Variants in EIF4H observed in about 807,000 individuals in gnomAD.
EIF4H encodes the protein eukaryotic translation initiation factor 4H, also known as Williams-Beuren syndrome chromosome region 1.
Under a neutral mutation model 30.6 loss-of-function variants are expected in EIF4H, and 8 were observed. The ratio of observed to expected loss-of-function variants is 0.26; its 90% CI spans 0.15 to 0.47. EIF4H has a LOEUF of 0.47. Ranked by LOEUF, EIF4H falls within the 20% of genes least tolerant of loss-of-function variation. The pLI is 0.99. For missense variants in EIF4H, 188 were observed against 339.5 expected (o/e 0.55, Z 3.51); for synonymous variants, 106 against 122.7 (o/e 0.86, Z 0.90).
intron 4 of EIF4H, 116 bp from the exon 5 acceptor site, chr7:74,190,131 A>G: frequency 8.4e-7 from 1 of 1,196,980 alleles, no homozygotes; most frequent in South Asian, 1.4e-5. Context: ...AGCTCTTAAA[A>G]TGATTTCATT....
intron 5 of EIF4H, among the ~76,000 whole-genome samples, chr7:74,192,654 A>G (rs1290620953): frequency 7.4e-6 from 1 of 135,696 alleles, no homozygotes; most frequent in Non-Finnish European, 1.6e-5. Context: ...CATACCTAAC[A>G]TTGCTTTATG....
At chr7:74,189,284 C>T (rs1335320950) in intron 2 of EIF4H, among the ~76,000 whole-genome samples, 1 of 152,182 alleles carries the variant, frequency 6.6e-6, no homozygotes, top group Non-Finnish European at 1.5e-5. Context: ...CACTTTAAGC[C>T]TCTTTCTTCA....
intron 1 of EIF4H, among the ~76,000 whole-genome samples, chr7:74,182,342 G>C (rs769135273): frequency 5.9e-5 from 9 of 152,108 alleles, no homozygotes; most frequent in Non-Finnish European, 1.3e-4. Flanking sequence ...CATTTTTGAT[G>C]ATTGTCAAAA....
intron 5 of EIF4H, among the ~76,000 whole-genome samples, chr7:74,193,533 G>A (rs1413966220): frequency 3.9e-5 from 6 of 152,130 alleles, no homozygotes; most frequent in Non-Finnish European, 7.3e-5. Context: ...CTCGCAGAGA[G>A]TAGCAGTGGC....
At chr7:74,176,551 A>T (rs1471998505) in intron 1 of EIF4H, among the ~76,000 whole-genome samples, 1 of 152,244 alleles carries the variant, frequency 6.6e-6, no homozygotes, top group Non-Finnish European at 1.5e-5. Flanking sequence ...AAAATGCCTC[A>T]GACAGGCTCG....
chr7:74,174,363 C>T lies in EIF4H; in HGVS notation c.-21C>T, dbSNP rs782216818. 2.1e-6 allele frequency: 3 copies of T among 1,444,326 alleles called. No homozygotes were observed. Among genetic ancestry groups the T allele is most frequent in the South Asian group, 2.8e-5 (2 of 70,232 alleles). The allele number at this position is 1,444,326 out of a possible 1,614,324, so 89.5% of individuals were successfully genotyped here. A position where few individuals can be genotyped will look rare whatever the true frequency, so the allele number is the denominator to read the frequency against. ...GGTCCTTCCTCGCTCACCCTGGTTC[C>T]TCTCGGAGCGGAGACGGCAAATGGC... On this transcript the variant is annotated 5_prime_UTR_variant, in exon 1 of 7. Transcript: ENST00000265753.
In EIF4H at chr7:74,190,344, A is replaced by G. The variant is rs377167722; in HGVS notation, c.469+38A>G. The G allele has an allele frequency of 3.3e-5, 53 of 1,599,162 alleles. 1 individual carries two copies. The highest frequency in any genetic ancestry group is 5.0e-5 in the Admixed American group (3 of 59,900). On this transcript the variant is annotated intron_variant, in intron 5 of 6. Transcript: ENST00000265753. ...AAAGTATCACCACTTAATTTTTCCT[A>G]GGAGCCTTGCTGCTGTTCTCTGTTT... is the stretch of plus-strand genomic sequence containing the variant.
chr7:74,178,582 G>A (rs1279924611), intron 1 of EIF4H, among the ~76,000 whole-genome samples: 1 of 152,006 alleles, frequency 6.6e-6, no homozygotes, highest in Non-Finnish European at 1.5e-5. Flanking sequence ...TAGTGTTCTG[G>A]AAAGACTTCA....
chr7:74,193,335 A>G lies in EIF4H; in HGVS notation c.470-1406A>G, dbSNP rs531114280. 1.8e-3 allele frequency among the ~76,000 whole-genome samples: 275 copies of G among 152,302 alleles called. 1 individual carries two copies. Among genetic ancestry groups the G allele is most frequent in the Middle Eastern group, 3.4e-3 (1 of 294 alleles). On this transcript the variant is annotated intron_variant, in intron 5 of 6. Transcript: ENST00000265753. ...TCAGCTGGGATCGTCGCATCTGTGC[A>G]GGTCCAGGACTGACTGGAGAAATGC... is the stretch of plus-strand genomic sequence containing the variant.
At chr7:74,188,370 G>A (rs1554709451) in intron 2 of EIF4H, among the ~76,000 whole-genome samples, 1 of 152,228 alleles carries the variant, frequency 6.6e-6, no homozygotes, top group Non-Finnish European at 1.5e-5. Context: ...GCATTCTCCT[G>A]CCTGCAGGGC....
chr7:74,177,721 A>G (rs1187646863), intron 1 of EIF4H, among the ~76,000 whole-genome samples: 1 of 152,144 alleles, frequency 6.6e-6, no homozygotes, highest in Non-Finnish European at 1.5e-5. Context: ...TCTTCACTCC[A>G]AGTGTTCCAT....
rs575872063 is a variant in EIF4H, at chr7:74,190,392, G to C, written c.469+86G>C. 7.5e-6 allele frequency: 10 copies of C among 1,341,164 alleles called. No homozygotes were observed. The East Asian group carries it at 1.6e-4, about 22-fold the overall frequency. 83.1% of individuals were successfully genotyped at this position (1,341,164 alleles called of 1,614,324 possible). On this transcript the variant is annotated intron_variant, in intron 5 of 6. Coordinates refer to ENST00000265753, the MANE Select transcript of EIF4H (RefSeq NM_022170.2). ...TTTCTTACGAGTAGCCCGCCTGGCC[G>C]GACTACTTATTTAGTTCCTTTAACA...
intron 1 of EIF4H, among the ~76,000 whole-genome samples, chr7:74,179,780 T>A (rs1554708176): frequency 6.6e-6 from 1 of 152,250 alleles, no homozygotes; most frequent in East Asian, 1.9e-4. Flanking sequence ...GTACATTTTG[T>A]TATACAGTAT....
chr7:74,177,805 A>G (rs1020954482), intron 1 of EIF4H, among the ~76,000 whole-genome samples: 2 of 152,242 alleles, frequency 1.3e-5, no homozygotes, highest in Non-Finnish European at 2.9e-5. Context: ...AGGTCTCTGC[A>G]TGACGGTTCA....
At chr7:74,174,522 G>C in intron 1 of EIF4H, 80 bp downstream of exon 1, 2 of 1,172,380 alleles carry the variant, frequency 1.7e-6, no homozygotes, top group Non-Finnish European at 2.1e-6. Context: ...GCCGTCCTGC[G>C]CTCAGCCGGG....
At chr7:74,188,728 G>T (rs1801143294) in intron 2 of EIF4H, among the ~76,000 whole-genome samples, 1 of 152,186 alleles carries the variant, frequency 6.6e-6, no homozygotes, top group Admixed American at 6.5e-5. Context: ...AGTCGCTGCA[G>T]GCTTTGGAGT....
chr7:74,177,641 A>G (rs1264954797), intron 1 of EIF4H, among the ~76,000 whole-genome samples: 2 of 152,234 alleles, frequency 1.3e-5, no homozygotes, highest in Non-Finnish European at 2.9e-5. Context: ...GGGCCTGTAA[A>G]GCTATTGAAA....
At chr7:74,187,995 G>A (rs570457442) in intron 2 of EIF4H, among the ~76,000 whole-genome samples, 197 bp downstream of exon 2, 2 of 152,330 alleles carry the variant, frequency 1.3e-5, no homozygotes, top group East Asian at 1.9e-4. Context: ...AAAATGTTTT[G>A]TACACAGTGT....
At chr7:74,194,707 T>G in intron 5 of EIF4H, 34 bp from the exon 6 acceptor site, 1 of 1,534,828 alleles carries the variant, frequency 6.5e-7, no homozygotes, top group Non-Finnish European at 8.8e-7. Flanking sequence ...GACGATAGTT[T>G]GAAAAGTAAT....
Sources: allele counts gnomAD v4.1 joint callset (sites outside exome capture counted in the v4.1 genomes callset), GRCh38; gene constraint gnomAD v4.1.1; transcripts MANE v1.5; gene names NCBI Gene and HGNC (gene_info 2026-07-23, HGNC 2026-07-21).